The following SRPK2 variants were observed in gnomAD, a reference collection of about 807,000 sequenced individuals.
SRPK2 encodes SFRS protein kinase 2.
SRPK2 carries 21 observed loss-of-function variants against 90.8 expected under a neutral mutation model. The observed-to-expected ratio is 0.23, with a 90% CI of 0.16 to 0.33. The LOEUF is 0.33. Among genes scored for constraint, SRPK2 ranks in the 10% least tolerant of loss-of-function variants. The pLI, the probability that SRPK2 is intolerant of heterozygous loss-of-function variation, is 1.00. For missense variants in SRPK2, 620 were observed against 869.0 expected (o/e 0.71, Z 3.60); for synonymous variants, 288 against 311.1 (o/e 0.93, Z 0.78).
intron 2 of SRPK2, among the ~76,000 whole-genome samples, chr7:105,266,194 G>C (rs772055957): frequency 6.6e-6 from 1 of 151,904 alleles, no homozygotes; most frequent in Non-Finnish European, 1.5e-5. Flanking sequence ...ACTTCAAATC[G>C]TATGTATATT....
intron 2 of SRPK2, among the ~76,000 whole-genome samples, chr7:105,299,875 CAG>C (rs1268440233): frequency 6.6e-6 from 1 of 150,960 alleles, no homozygotes; most frequent in Non-Finnish European, 1.5e-5. Context: ...GCCTGGGTGA[CAG>C]AGAGAGACTC....
At chr7:105,151,811 G>T (rs563306565) in intron 7 of SRPK2, among the ~76,000 whole-genome samples, 2 of 152,102 alleles carry the variant, frequency 1.3e-5, no homozygotes, top group Non-Finnish European at 2.9e-5. Context: ...ATCACCTGAG[G>T]TCTGGAGTTC....
chr7:105,123,962 C>A (rs1800766428), intron 15 of SRPK2, among the ~76,000 whole-genome samples: 1 of 152,212 alleles, frequency 6.6e-6, no homozygotes, highest in Admixed American at 6.5e-5. Flanking sequence ...CTGCAGGTTA[C>A]CTTCAAATAA....
chr7:105,339,956 G>A (rs1025795377), intron 2 of SRPK2, among the ~76,000 whole-genome samples: 1 of 151,928 alleles, frequency 6.6e-6, no homozygotes, highest in Admixed American at 6.6e-5. Flanking sequence ...TACTCGGGGG[G>A]CTGAGGTGGG....
intron 13 of SRPK2, among the ~76,000 whole-genome samples, chr7:105,129,219 C>T (rs1222922239): frequency 2.0e-5 from 3 of 151,306 alleles, no homozygotes; most frequent in Non-Finnish European, 4.4e-5. Context: ...CAGGCGTGAG[C>T]CACCAAGCCC....
rs74493048 is a variant in SRPK2 at position 105,161,707 on chromosome 7, T to A, written c.515-1094A>T. On this transcript the variant is annotated intron_variant, in intron 6 of 15. Coordinates refer to ENST00000393651, the MANE Select transcript of SRPK2 (RefSeq NM_182692.3). ...AAGTGTCCTAACTGCCTGCCTAAAT[T>A]TCTACTTGATAAGCTACATAAAACA... Among the ~76,000 whole-genome samples, 27 of 152,316 alleles carry A rather than the reference T, an allele frequency of 1.8e-4. No homozygotes were observed. The East Asian group carries it at 5.2e-3, about 29-fold the overall frequency.
chr7:105,207,924 T>G (rs1363592335), intron 2 of SRPK2, among the ~76,000 whole-genome samples: 2 of 152,158 alleles, frequency 1.3e-5, no homozygotes, highest in African/African-American at 4.8e-5. Context: ...GTATCTAGAA[T>G]ATATAAAGAA....
chr7:105,245,981 A>G (rs1333989832), intron 2 of SRPK2, among the ~76,000 whole-genome samples: 8 of 152,206 alleles, frequency 5.3e-5, no homozygotes, highest in Admixed American at 5.2e-4. Context: ...GACCCTGGCA[A>G]TTAACAACTA....
chr7:105,317,998 G>A (rs866666922), intron 2 of SRPK2, among the ~76,000 whole-genome samples: 18 of 152,018 alleles, frequency 1.2e-4, no homozygotes, highest in East Asian at 1.9e-4. Flanking sequence ...CAATCCACCC[G>A]ACTCAGCCTC....
chr7:105,382,881 C>A (rs569366741), intron 2 of SRPK2, among the ~76,000 whole-genome samples: 1 of 151,930 alleles, frequency 6.6e-6, no homozygotes, highest in African/African-American at 2.4e-5. Flanking sequence ...CTGATAAAAT[C>A]CAAGTAAAAT....
intron 3 of SRPK2, 112 bp downstream of exon 3, chr7:105,203,516 G>T: frequency 8.1e-7 from 1 of 1,238,658 alleles, no homozygotes; most frequent in Non-Finnish European, 1.1e-6. Context: ...CTAATTTAAT[G>T]AAGACCAAGC....
chr7:105,174,550 A>C (rs527978968), intron 3 of SRPK2, among the ~76,000 whole-genome samples: 34 of 152,298 alleles, frequency 2.2e-4, no homozygotes, highest in African/African-American at 8.2e-4. Context: ...AATCACCCCC[A>C]ACACACACAA....
chr7:105,133,591 G>A (rs760065281), intron 11 of SRPK2, among the ~76,000 whole-genome samples: 5 of 152,148 alleles, frequency 3.3e-5, no homozygotes, highest in Non-Finnish European at 7.3e-5. Flanking sequence ...CCCTGGCACC[G>A]ACACCTCACA....
intron 2 of SRPK2, among the ~76,000 whole-genome samples, chr7:105,329,959 C>T (rs929543006): frequency 3.3e-5 from 5 of 151,976 alleles, no homozygotes; most frequent in South Asian, 2.1e-4. Context: ...CGCTTGAACA[C>T]AGGAGGCAGA....
intron 2 of SRPK2, among the ~76,000 whole-genome samples, chr7:105,339,791 T>A (rs1468416002): frequency 6.6e-6 from 1 of 152,200 alleles, no homozygotes; most frequent in Non-Finnish European, 1.5e-5. Context: ...CCAGGAGCGG[T>A]GGCTCACGCC....
intron 13 of SRPK2, among the ~76,000 whole-genome samples, chr7:105,128,247 T>C (rs1801489493): frequency 6.6e-6 from 1 of 152,190 alleles, no homozygotes. Flanking sequence ...GACCGAGCGA[T>C]AAGCATTAAT....
At chr7:105,388,132 A>G (rs866536994) in intron 2 of SRPK2, among the ~76,000 whole-genome samples, 1 of 152,080 alleles carries the variant, frequency 6.6e-6, no homozygotes, top group African/African-American at 2.4e-5. Context: ...TTCTCAGCAG[A>G]AAGGCCGACA....
At chr7:105,197,673 A>C (rs1795082297) in intron 3 of SRPK2, among the ~76,000 whole-genome samples, 1 of 152,232 alleles carries the variant, frequency 6.6e-6, no homozygotes, top group African/African-American at 2.4e-5. Context: ...ACATGAACAC[A>C]GAAATAAATG....
At chr7:105,308,454 C>G (rs1476158295) in intron 2 of SRPK2, among the ~76,000 whole-genome samples, 1 of 152,044 alleles carries the variant, frequency 6.6e-6, no homozygotes, top group Non-Finnish European at 1.5e-5. Flanking sequence ...TTAGGGCAAC[C>G]AACAGAGGGA....
Sources: gnomAD v4.1 joint callset for allele counts (sites outside exome capture counted in the v4.1 genomes callset) on GRCh38, gnomAD v4.1.1 for gene constraint, MANE v1.5 for transcripts, NCBI Gene and HGNC (gene_info 2026-07-23, HGNC 2026-07-21) for gene names.